Variants in RAD50 observed in about 807,000 individuals in gnomAD.
RAD50 encodes DNA repair protein RAD50.
RAD50 carries 132 observed loss-of-function variants against 168.8 expected under a neutral mutation model. The ratio of observed to expected loss-of-function variants is 0.78; its 90% CI spans 0.68 to 0.90. The LOEUF (loss-of-function observed/expected upper bound fraction) is 0.90, where lower values mean the gene tolerates loss of function less well. Ranked by LOEUF, RAD50 falls within the 40% of genes least tolerant of loss-of-function variation. RAD50 has a pLI of 0.00. For synonymous variants in RAD50, 525 were observed against 497.4 expected (o/e 1.06, Z -0.74); for missense variants, 1,347 against 1,534.4 (o/e 0.88, Z 2.04).
intron 2 of RAD50, among the ~76,000 whole-genome samples, chr5:132,560,495 A>G (rs1312613722): frequency 2.0e-5 from 3 of 152,202 alleles, no homozygotes; most frequent in African/African-American, 7.2e-5. Flanking sequence ...CCTTAAATCT[A>G]CAATCTACTT....
At chr5:132,598,660 A>G (rs1750835464) in intron 13 of RAD50, among the ~76,000 whole-genome samples, 2 of 152,192 alleles carry the variant, frequency 1.3e-5, no homozygotes, top group Admixed American at 1.3e-4. Context: ...AGTGATGCTC[A>G]CTATTGTCTG....
At chr5:132,625,566 T>C (rs1344281823) in intron 21 of RAD50, among the ~76,000 whole-genome samples, 7 of 152,208 alleles carry the variant, frequency 4.6e-5, no homozygotes, top group African/African-American at 1.7e-4. Flanking sequence ...ATTCCAATTA[T>C]ACTATTTAGT....
intron 17 of RAD50, 47 bp downstream of exon 17, chr5:132,608,772 T>C (rs1329439045): frequency 6.5e-7 from 1 of 1,540,604 alleles, no homozygotes; most frequent in African/African-American, 1.4e-5. Flanking sequence ...TGTATTAAAC[T>C]TATGTTCATA....
rs146063619 is a variant in RAD50, at chr5:132,591,956, A to G, written c.1715A>G (p.Asn572Ser). ...ELTSLLGYFP[N>S]KKQLEDWLHS... ...ACCTCACTGTTGGGATATTTTCCCA[A>G]CAAAAAACAGCTTGAAGACTGGCTA... The change falls in exon 11 of 25, where the codon AAC becomes AGC. Residue 572 changes from asparagine (N) to serine (S), a missense_variant. By Grantham distance (46) the Asn-to-Ser change is conservative. Around this residue, in one of 3 missense-constraint regions of RAD50, gnomAD observed 703 missense variants for 767.7 expected, o/e 0.92. Coordinates refer to ENST00000378823, the MANE Select transcript of RAD50 (RefSeq NM_005732.4). The G allele has an allele frequency of 1.9e-6, 3 of 1,612,128 alleles. No individual in the cohort carries two copies. The highest frequency in any genetic ancestry group is 2.7e-5 in the African/African-American group (2 of 74,988).
At chr5:132,619,839 T>TATATATATATATATAAAG (rs1554099980) in intron 21 of RAD50, among the ~76,000 whole-genome samples, 21 of 116,298 alleles carry the variant, frequency 1.8e-4, no homozygotes, top group East Asian at 1.2e-3. Context: ...TCTCTCTCTA[T>TATATATATATATATAAAG]ATATATATAT....
chr5:132,598,832 A>G (rs914106876), intron 13 of RAD50, among the ~76,000 whole-genome samples: 6 of 152,214 alleles, frequency 3.9e-5, no homozygotes, highest in Non-Finnish European at 8.8e-5. Flanking sequence ...GGCCTAGACC[A>G]AGAAACTGGC....
At chr5:132,640,876 C>A (rs1751706636) in intron 24 of RAD50, 71 bp downstream of exon 24, 1 of 1,603,356 alleles carries the variant, frequency 6.2e-7, no homozygotes, top group African/African-American at 1.3e-5. Context: ...GATAGTTCTT[C>A]AAAACCAAGA....
At chr5:132,637,298 C>G in intron 22 of RAD50, 98 bp downstream of exon 22, 3 of 1,512,336 alleles carry the variant, frequency 2.0e-6, no homozygotes, top group South Asian at 2.4e-5. Context: ...CTCCCTGGAC[C>G]CCTTTCTAAG....
chr5:132,605,462 A>G (rs1215560349), intron 16 of RAD50, among the ~76,000 whole-genome samples: 2 of 152,044 alleles, frequency 1.3e-5, no homozygotes, highest in African/African-American at 2.4e-5. Context: ...CTCCTGCCTC[A>G]GCCTCTCAAG....
At chr5:132,618,004 A>G (rs1751206240) in intron 20 of RAD50, 66 bp from the exon 21 acceptor site, 2 of 1,282,562 alleles carry the variant, frequency 1.6e-6, no homozygotes, top group Non-Finnish European at 2.3e-6. Flanking sequence ...GAAATCTATG[A>G]CTTTTCCACT....
At chr5:132,590,384 C>T (rs900302876) in intron 9 of RAD50, among the ~76,000 whole-genome samples, 26 of 152,236 alleles carry the variant, frequency 1.7e-4, no homozygotes, top group Admixed American at 2.6e-4. Flanking sequence ...GCAGGAGAAT[C>T]GCTTGAACCT....
intron 13 of RAD50, among the ~76,000 whole-genome samples, chr5:132,599,642 C>T (rs780129883): frequency 6.6e-6 from 1 of 151,976 alleles, no homozygotes; most frequent in East Asian, 1.9e-4. Flanking sequence ...ATCGAAGCCT[C>T]GAACTCCTAA....
In RAD50 at chr5:132,559,085, G is replaced by C. The variant is rs531410073; in HGVS notation, c.130-199G>C. Among the ~76,000 whole-genome samples, 10 of 152,252 alleles carry C rather than the reference G, an allele frequency of 6.6e-5. No homozygotes were observed. In the South Asian group the frequency reaches 2.1e-3, roughly 32 times the overall value. ...CCCAAGTAACAATTCTTCATATTAG[G>C]ATAACTTCTTAGTTATATAGCATTT... On this transcript the variant is annotated intron_variant, in intron 1 of 24. Transcript: ENST00000378823.
At chr5:132,617,435 G>A (rs183898135) in intron 20 of RAD50, among the ~76,000 whole-genome samples, 1 of 152,260 alleles carries the variant, frequency 6.6e-6, no homozygotes, top group Admixed American at 6.5e-5. Flanking sequence ...TGACACATAA[G>A]AGGATGCTTA....
intron 2 of RAD50, among the ~76,000 whole-genome samples, chr5:132,565,635 A>G (rs1400216953): frequency 6.6e-6 from 1 of 152,008 alleles, no homozygotes; most frequent in African/African-American, 2.4e-5. Context: ...TGTCACTGAG[A>G]GGGTCACTCT....
intron 1 of RAD50, 83 bp downstream of exon 1, chr5:132,557,536 G>A (rs1750026688): frequency 1.9e-6 from 3 of 1,575,214 alleles, no homozygotes; most frequent in Non-Finnish European, 2.6e-6. Context: ...CTCTCCTTAG[G>A]AGCAGAAGCG....
chr5:132,617,147 T>C (rs13361822), intron 20 of RAD50, among the ~76,000 whole-genome samples: 1 of 152,166 alleles, frequency 6.6e-6, no homozygotes, highest in Non-Finnish European at 1.5e-5. Flanking sequence ...CAAGCCTCAG[T>C]TCTTTTACAC....
chr5:132,574,948 C>T (rs1750367314), intron 2 of RAD50, among the ~76,000 whole-genome samples: 2 of 152,184 alleles, frequency 1.3e-5, no homozygotes, highest in South Asian at 4.1e-4. Flanking sequence ...TTGGTCAATG[C>T]CATTCAACAA....
rs1480187172 is a variant in RAD50, at chr5:132,613,283, T to G, written c.3037-2720T>G. 1.8e-4 allele frequency among the ~76,000 whole-genome samples: 27 copies of G among 152,178 alleles called. 1 individual carries two copies. The highest frequency in any genetic ancestry group is 1.8e-3 in the Admixed American group (27 of 15,276). The stretch of plus-strand genomic sequence containing the variant: ...GAAACTTAACTGCCTTTCTCAGTTT[T>G]CAGCTGAAGGAATATATGAAGAGAA... On this transcript the variant is annotated intron_variant, in intron 19 of 24. Coordinates refer to ENST00000378823, the MANE Select transcript of RAD50 (RefSeq NM_005732.4).
Sources: allele counts gnomAD v4.1 joint callset (sites outside exome capture counted in the v4.1 genomes callset), GRCh38; gene constraint gnomAD v4.1.1; regional missense constraint gnomAD v4.1.1; transcripts MANE v1.5; gene names NCBI Gene and HGNC (gene_info 2026-07-23, HGNC 2026-07-21).